CSMD1: variants seen among roughly 807,000 people sequenced by gnomAD.
CSMD1 encodes CUB and sushi domain-containing protein 1.
A neutral mutation model predicts 417.5 loss-of-function variants in CSMD1; 213 were observed. That is an observed-to-expected ratio of 0.51 (90% confidence interval 0.46 to 0.57). CSMD1 has a LOEUF of 0.57. Among genes scored for constraint, CSMD1 ranks in the 20% least tolerant of loss-of-function variants. The pLI, the probability that CSMD1 is intolerant of heterozygous loss-of-function variation, is 0.00. For synonymous variants in CSMD1, 2,862 were observed against 1,736.8 expected (o/e 1.65, Z -16.11); for missense variants, 6,923 against 4,529.7 (o/e 1.53, Z -15.17).
chr8:3,396,116 G>A lies in CSMD1; in HGVS notation c.2593+78C>T. ...AGTAAACTAGCACAGTCATCTGCAGGCTGGAAATAAGAACCCAGATCTTTA... is the reference window on the plus strand; with the variant it reads ...AGTAAACTAGCACAGTCATCTGCAGACTGGAAATAAGAACCCAGATCTTTA... On this transcript the variant is annotated intron_variant, in intron 17 of 69. Coordinates refer to ENST00000635120, the MANE Select transcript of CSMD1 (RefSeq NM_033225.6). 5 of 1,259,402 alleles carry A rather than the reference G, an allele frequency of 4.0e-6. No homozygotes were observed. In the East Asian group the frequency reaches 7.6e-5, roughly 19 times the overall value. The allele number at this position is 1,259,402 out of a possible 1,614,324, so 78.0% of individuals were successfully genotyped here. A position where few individuals can be genotyped will look rare whatever the true frequency, so the allele number is the denominator to read the frequency against.
intron 50 of CSMD1, among the ~76,000 whole-genome samples, chr8:3,037,212 T>G (rs547353061): frequency 1.4e-4 from 21 of 149,428 alleles, no homozygotes; most frequent in Non-Finnish European, 2.4e-4. Flanking sequence ...ACTTTCTTTT[T>G]TTTGTTTTTT....
At chr8:4,248,325 G>C (rs183485058) in intron 3 of CSMD1, among the ~76,000 whole-genome samples, 2 of 152,218 alleles carry the variant, frequency 1.3e-5, no homozygotes, top group African/African-American at 4.8e-5. Context: ...ATCAATGCAT[G>C]AAAGTTTCTC....
At chr8:2,991,673 C>G (rs191082119) in intron 54 of CSMD1, among the ~76,000 whole-genome samples, 2 of 152,068 alleles carry the variant, frequency 1.3e-5, no homozygotes, top group Admixed American at 1.3e-4. Context: ...AGCAAAAATG[C>G]GAGTGAATAT....
intron 20 of CSMD1, among the ~76,000 whole-genome samples, chr8:3,362,296 C>A (rs1348203675): frequency 6.6e-6 from 1 of 152,186 alleles, no homozygotes; most frequent in Non-Finnish European, 1.5e-5. Flanking sequence ...CCTTCCAAGA[C>A]TGTCTTCCTC....
chr8:4,322,171 G>C (rs1037276152), intron 3 of CSMD1, among the ~76,000 whole-genome samples: 1 of 152,030 alleles, frequency 6.6e-6, no homozygotes, highest in Non-Finnish European at 1.5e-5. Flanking sequence ...ATTGCTAAAA[G>C]TTTCCTATTT....
At chr8:3,613,109 AG>A (rs1801970384) in intron 8 of CSMD1, among the ~76,000 whole-genome samples, 1 of 152,062 alleles carries the variant, frequency 6.6e-6, no homozygotes, top group Admixed American at 6.6e-5. Flanking sequence ...ACTCATTTAA[AG>A]GATAATAAAG....
At chr8:4,780,323 C>T (rs768184679) in intron 1 of CSMD1, among the ~76,000 whole-genome samples, 31 of 152,194 alleles carry the variant, frequency 2.0e-4, no homozygotes, top group Non-Finnish European at 3.7e-4. Flanking sequence ...GGCTTTGGCT[C>T]TACTGCATAA....
At chr8:4,248,305 ATAC>A (rs2128828648) in intron 3 of CSMD1, among the ~76,000 whole-genome samples, 1 of 152,236 alleles carries the variant, frequency 6.6e-6, no homozygotes, top group African/African-American at 2.4e-5. Flanking sequence ...CTGAATTTAT[ATAC>A]TAATCAATCA....
chr8:3,612,300 C>T (rs572604836), intron 8 of CSMD1, among the ~76,000 whole-genome samples: 2 of 152,150 alleles, frequency 1.3e-5, no homozygotes, highest in South Asian at 4.1e-4. Context: ...CTTCAAAATA[C>T]ATGAAGCAAA....
chr8:3,262,117 T>G, intron 26 of CSMD1, among the ~76,000 whole-genome samples: 1 of 148,476 alleles, frequency 6.7e-6, no homozygotes, highest in South Asian at 2.1e-4. Flanking sequence ...ATGTCTGAGT[T>G]GCAGTATTCA....
At chr8:3,709,637 C>A (rs1474077883) in intron 6 of CSMD1, among the ~76,000 whole-genome samples, 1 of 140,570 alleles carries the variant, frequency 7.1e-6, no homozygotes, top group East Asian at 2.1e-4. Flanking sequence ...CCAGTAGAGG[C>A]AAGACTTCCT....
chr8:3,522,612 A>G (rs968384758), intron 10 of CSMD1, among the ~76,000 whole-genome samples: 6 of 152,144 alleles, frequency 3.9e-5, no homozygotes, highest in East Asian at 3.9e-4. Context: ...CCACACTCCA[A>G]GAAGGGTAGA....
At chr8:4,425,879 C>G (rs146661879) in intron 2 of CSMD1, among the ~76,000 whole-genome samples, 10 of 152,056 alleles carry the variant, frequency 6.6e-5, no homozygotes, top group African/African-American at 2.2e-4. Flanking sequence ...AATATTTCAA[C>G]AAAATATGAC....
In CSMD1 at chr8:3,366,883, T is replaced by C. The variant is rs898938317; in HGVS notation, c.3115+149A>G. ...CCTGCTTCGTGGAGGCTCAGCCTCCTGCACCCCATTAGTTGGAATCAAGTC... is the reference window on the plus strand; with the variant it reads ...CCTGCTTCGTGGAGGCTCAGCCTCCCGCACCCCATTAGTTGGAATCAAGTC... On this transcript the variant is annotated intron_variant, in intron 20 of 69. Coordinates refer to ENST00000635120, the MANE Select transcript of CSMD1 (RefSeq NM_033225.6). 7 of 693,394 alleles carry C rather than the reference T, an allele frequency of 1.0e-5. No homozygotes were observed. In the African/African-American group the frequency reaches 1.1e-4, roughly 11 times the overall value. 43.0% of individuals were successfully genotyped at this position (693,394 alleles called of 1,614,324 possible). A position where few individuals can be genotyped will look rare whatever the true frequency, so the allele number is the denominator to read the frequency against.
chr8:4,485,299 C>G (rs546766786), intron 2 of CSMD1, among the ~76,000 whole-genome samples: 1 of 152,256 alleles, frequency 6.6e-6, no homozygotes, highest in South Asian at 2.1e-4. Context: ...ACATTTATCC[C>G]CAGTTGAAAT....
At chr8:3,541,338 G>C (rs994049959) in intron 10 of CSMD1, among the ~76,000 whole-genome samples, 8 of 152,106 alleles carry the variant, frequency 5.3e-5, no homozygotes, top group African/African-American at 1.9e-4. Flanking sequence ...AGAACACATG[G>C]ACACAGGGAA....
intron 1 of CSMD1, among the ~76,000 whole-genome samples, chr8:4,952,631 G>A (rs1808828739): frequency 1.3e-5 from 2 of 151,986 alleles, no homozygotes; most frequent in Non-Finnish European, 2.9e-5. Context: ...TAGTTGATAT[G>A]GTGATTGTGG....
intron 55 of CSMD1, among the ~76,000 whole-genome samples, chr8:2,976,434 C>T (rs1036579911): frequency 6.6e-6 from 1 of 152,128 alleles, no homozygotes; most frequent in African/African-American, 2.4e-5. Flanking sequence ...GCAATCGTAA[C>T]TCCTGGACTC....
chr8:4,171,588 C>T (rs973740908), intron 3 of CSMD1, among the ~76,000 whole-genome samples: 1 of 151,648 alleles, frequency 6.6e-6, no homozygotes, highest in Non-Finnish European at 1.5e-5. Flanking sequence ...AAATACTACA[C>T]AATTCCTTAG....
Sources: gnomAD v4.1 joint callset for allele counts (sites outside exome capture counted in the v4.1 genomes callset) on GRCh38, gnomAD v4.1.1 for gene constraint, MANE v1.5 for transcripts, NCBI Gene and HGNC (gene_info 2026-07-23, HGNC 2026-07-21) for gene names.